The following NTN1 variants were observed in gnomAD, a reference collection of about 807,000 sequenced individuals.
The protein encoded by NTN1 is netrin 1.
NTN1 carries 11 observed loss-of-function variants against 54.2 expected under a neutral mutation model. That is an observed-to-expected ratio of 0.20 (90% CI 0.13 to 0.34). NTN1 has a LOEUF of 0.34. NTN1 is among the 10% of genes least tolerant of loss of function. The pLI is 1.00. For synonymous variants in NTN1, 371 were observed against 382.0 expected, an observed-to-expected ratio of 0.97 and a Z score of 0.33; for missense variants, 740 against 893.1, an observed-to-expected ratio of 0.83 and a Z score of 2.18.
chr17:9,142,860 A>G (rs1247935547), intron 2 of NTN1, among the ~76,000 whole-genome samples: 2 of 152,228 alleles, frequency 1.3e-5, no homozygotes, highest in Non-Finnish European at 2.9e-5. Flanking sequence ...TGTAGATGCT[A>G]TAAGTTGATG....
At chr17:9,037,430 G>T (rs1223189936) in intron 2 of NTN1, among the ~76,000 whole-genome samples, 1 of 152,002 alleles carries the variant, frequency 6.6e-6, no homozygotes, top group Non-Finnish European at 1.5e-5. Context: ...CTTTATTTGG[G>T]ATTTCGTGGA....
At chr17:9,109,934 A>G (rs1187446701) in intron 2 of NTN1, among the ~76,000 whole-genome samples, 2 of 152,272 alleles carry the variant, frequency 1.3e-5, no homozygotes, top group African/African-American at 4.8e-5. Context: ...ATGCATATTC[A>G]TAGCTAGTGT....
chr17:9,153,578 C>T (rs2092333755), intron 2 of NTN1, among the ~76,000 whole-genome samples: 1 of 152,188 alleles, frequency 6.6e-6, no homozygotes, highest in South Asian at 2.1e-4. Context: ...TTGGTAGCTG[C>T]TTGAATTAAA....
chr17:9,165,954 G>GAC lies in NTN1; in HGVS notation c.1207+2955_1207+2956dup, dbSNP rs2092371831. On this transcript the variant is annotated intron_variant, in intron 3 of 6. Coordinates refer to ENST00000173229, the MANE Select transcript of NTN1 (RefSeq NM_004822.3). This position sits in a 1 kb window ranked among gnomAD's most constrained non-coding sequence, Gnocchi z 4.5. ...TCCAGCCATCTGATTGGTGAAGAAAGACATCTCTGGAAAGTCCAGATCTTT... is the reference window on the plus strand; with the variant it reads ...TCCAGCCATCTGATTGGTGAAGAAAGACACATCTCTGGAAAGTCCAGATCTTT... 6.6e-6 allele frequency among the ~76,000 whole-genome samples: 1 copy of GAC among 152,154 alleles called. No individual in the cohort carries two copies. The highest frequency in any genetic ancestry group is 2.4e-5 in the African/African-American group (1 of 41,434).
rs1444148357 is a variant in NTN1 at position 9,239,869 on chromosome 17, C to G, written c.1716C>G (p.Ala572=). 17 of 1,612,012 alleles carry G rather than the reference C, an allele frequency of 1.1e-5. No homozygotes were observed. The highest frequency in any genetic ancestry group is 2.7e-5 in the African/African-American group (2 of 74,992). Residue 572 remains alanine (A), a synonymous_variant, in exon 7 of 7, where the codon GCC becomes GCG. Transcript: ENST00000173229. This position sits in a 1 kb window ranked among gnomAD's most constrained non-coding sequence, Gnocchi z 5.2. The stretch of plus-strand genomic sequence containing the variant: ...CTCCGGACCAGAGCGGCATCGTGGC[C>G]GATAAAAGCAGCCTGGTGATCCAGT... ...EDSPDQSGIV[A]DKSSLVIQWR...
intron 5 of NTN1, among the ~76,000 whole-genome samples, chr17:9,194,229 C>G (rs1904561629): frequency 7.1e-6 from 1 of 140,422 alleles, no homozygotes; most frequent in Admixed American, 7.7e-5. Flanking sequence ...GAGCCAGACT[C>G]TGTCTCAAAA....
intron 2 of NTN1, among the ~76,000 whole-genome samples, chr17:9,063,024 T>G (rs1395560839): frequency 6.6e-6 from 1 of 152,186 alleles, no homozygotes. Flanking sequence ...TGAGACTATC[T>G]TTTCTTTTTC....
At chr17:9,189,214 G>T (rs1904384734) in intron 5 of NTN1, among the ~76,000 whole-genome samples, 1 of 152,154 alleles carries the variant, frequency 6.6e-6, no homozygotes, top group African/African-American at 2.4e-5. Flanking sequence ...CCCGACCCCT[G>T]TTTTACAGAG....
chr17:9,222,439 G>C (rs1264213666), intron 6 of NTN1, among the ~76,000 whole-genome samples: 3 of 152,204 alleles, frequency 2.0e-5, no homozygotes, highest in Non-Finnish European at 2.9e-5. Flanking sequence ...TCTGGGATGA[G>C]TCCCATTGCT....
intron 6 of NTN1, among the ~76,000 whole-genome samples, chr17:9,235,808 G>A (rs996975094): frequency 2.7e-5 from 4 of 149,904 alleles, no homozygotes; most frequent in Non-Finnish European, 5.9e-5. Flanking sequence ...AGGCTGGAGT[G>A]CAGTGGCGTG....
At chr17:9,024,375 A>G (rs1228382020) in intron 2 of NTN1, among the ~76,000 whole-genome samples, 1 of 152,272 alleles carries the variant, frequency 6.6e-6, no homozygotes, top group South Asian at 2.1e-4. Flanking sequence ...AAAGCTCCAA[A>G]GCCCACATTT....
chr17:9,213,658 C>A (rs1905159701), intron 5 of NTN1, among the ~76,000 whole-genome samples: 1 of 152,284 alleles, frequency 6.6e-6, no homozygotes, highest in South Asian at 2.1e-4. Context: ...CAAAATGGTC[C>A]ATTTTTAGCA....
intron 6 of NTN1, among the ~76,000 whole-genome samples, chr17:9,226,553 C>G (rs935712871): frequency 1.3e-5 from 2 of 151,184 alleles, no homozygotes; most frequent in African/African-American, 4.9e-5. Flanking sequence ...GGGAGGCTGT[C>G]TCAGGTCACC....
rs1272301179 is a variant in NTN1, at chr17:9,239,034, G to A, written c.1487-606G>A. 6.6e-6 allele frequency among the ~76,000 whole-genome samples: 1 copy of A among 152,248 alleles called. No homozygotes were observed. Among genetic ancestry groups the A allele is most frequent in the Admixed American group, 6.5e-5 (1 of 15,292 alleles). Reference sequence around the variant, plus strand: ...GGACCTTGGGCGGCATGGAGGAAGGGAGGCCACCTGGTAGGGATGGCTTAG... The same window carrying A: ...GGACCTTGGGCGGCATGGAGGAAGGAAGGCCACCTGGTAGGGATGGCTTAG... On this transcript the variant is annotated intron_variant, in intron 6 of 6. Coordinates refer to ENST00000173229, the MANE Select transcript of NTN1 (RefSeq NM_004822.3). The surrounding 1 kb of genome is among the most constrained non-coding windows in gnomAD (Gnocchi z 5.2).
chr17:9,067,682 C>T lies in NTN1; in HGVS notation c.1018+44291C>T, dbSNP rs1039929083. ...CACTCATCTTCCTCACTTCTTCAGTCGCCTCCCATGCCCCATCGTGTTTAT... is the reference window on the plus strand; with the variant it reads ...CACTCATCTTCCTCACTTCTTCAGTTGCCTCCCATGCCCCATCGTGTTTAT... On this transcript the variant is annotated intron_variant, in intron 2 of 6. Coordinates refer to ENST00000173229, the MANE Select transcript of NTN1 (RefSeq NM_004822.3). 5.9e-5 allele frequency among the ~76,000 whole-genome samples: 9 copies of T among 152,304 alleles called. No individual in the cohort carries two copies. In the South Asian group the frequency reaches 1.5e-3, roughly 25 times the overall value.
the NTN1 span, among the ~76,000 whole-genome samples, chr17:9,013,612 TG>T: frequency 1.3e-5 from 2 of 152,222 alleles, no homozygotes; most frequent in Non-Finnish European, 2.9e-5. Context: ...ACCTGTTCCC[TG>T]GCCCATTCAC....
the NTN1 span, among the ~76,000 whole-genome samples, chr17:9,012,590 G>A: frequency 4.1e-4 from 61 of 149,560 alleles, no homozygotes; most frequent in African/African-American, 1.4e-3. Context: ...CGTTCCCTCT[G>A]CCTGAATGTA....
intron 5 of NTN1, among the ~76,000 whole-genome samples, chr17:9,220,927 C>T (rs1007383123): frequency 1.2e-4 from 4 of 33,106 alleles, no homozygotes; most frequent in African/African-American, 3.9e-4. Context: ...TGGTTGCAGG[C>T]GGTGGCTGAG....
intron 2 of NTN1, among the ~76,000 whole-genome samples, chr17:9,072,444 G>A (rs981228040): frequency 4.0e-5 from 6 of 151,876 alleles, no homozygotes; most frequent in Admixed American, 1.3e-4. Flanking sequence ...CTCTCAACCC[G>A]GCCTTCTCAT....
Sources: gnomAD v4.1 joint callset for allele counts (sites outside exome capture counted in the v4.1 genomes callset) on GRCh38, gnomAD v4.1.1 for gene constraint, Gnocchi (gnomAD v3.1) non-coding constraint, MANE v1.5 for transcripts, NCBI Gene and HGNC (gene_info 2026-07-23, HGNC 2026-07-21) for gene names.